Variants in MEAK7 observed in about 807,000 individuals in gnomAD.
The protein encoded by MEAK7 is MTOR-associated protein MEAK7.
A neutral mutation model predicts 40.5 loss-of-function variants in MEAK7; 68 were observed. The observed-to-expected ratio is 1.68, with a 90% CI of 1.38 to 2.06. The LOEUF (loss-of-function observed/expected upper bound fraction) is 2.06. Ranked by LOEUF, MEAK7 falls within the 30% of genes most tolerant of loss-of-function variation. The pLI is 0.00. For synonymous variants in MEAK7, 338 were observed against 231.9 expected (o/e 1.46, Z -4.16); for missense variants, 918 against 580.5 (o/e 1.58, Z -5.98).
At chr16:84,487,349 C>G (rs894007425) in intron 4 of MEAK7, 1 of 361,360 alleles carries the variant, frequency 2.8e-6, no homozygotes, top group South Asian at 3.9e-5. Context: ...TCTCTTTACT[C>G]TTTTAACATG....
chr16:84,491,451 A>G lies in MEAK7; in HGVS notation c.385-2029T>C, dbSNP rs941238729. The stretch of plus-strand genomic sequence containing the variant: ...CTACTTGGGATGCTGAGGCAGGAGA[A>G]TCGCTTGAGCCTGGGAGGCAGAGGT... On this transcript the variant is annotated intron_variant, in intron 3 of 7. Coordinates refer to ENST00000343629, the MANE Select transcript of MEAK7 (RefSeq NM_020947.4). Among the ~76,000 whole-genome samples the G allele has an allele frequency of 6.1e-4, 92 of 149,984 alleles. No individual in the cohort carries two copies. In the East Asian group the frequency reaches 7.9e-3, roughly 13 times the overall value.
chr16:84,491,536 C>T (rs1332829444), intron 3 of MEAK7, among the ~76,000 whole-genome samples: 2 of 15,608 alleles, frequency 1.3e-4, no homozygotes, highest in East Asian at 6.7e-3. Flanking sequence ...GAGACCCTGT[C>T]TTAAAAAAAA....
At chr16:84,488,154 G>A (rs1203331940) in intron 4 of MEAK7, 1 of 152,002 alleles carries the variant, frequency 6.6e-6, no homozygotes, top group Non-Finnish European at 1.5e-5. Context: ...TTAATCGTCT[G>A]AATTACCTTT....
intron 5 of MEAK7, among the ~76,000 whole-genome samples, chr16:84,483,877 AAGG>A (rs1309843731): frequency 6.6e-6 from 1 of 152,076 alleles, no homozygotes; most frequent in Non-Finnish European, 1.5e-5. Flanking sequence ...CGGGTGGAGG[AAGG>A]AGGATAGTTA....
rs966738221 is a variant in MEAK7, at chr16:84,478,580, C to G, written c.*1333G>C. 6.6e-6 allele frequency: 1 copy of G among 152,224 alleles called. No homozygotes were observed. 9.4% of individuals were successfully genotyped at this position (152,224 alleles called of 1,614,324 possible). On this transcript the variant is annotated 3_prime_UTR_variant, in exon 8 of 8. Transcript: ENST00000343629. Reference sequence around the variant, plus strand: ...ATATCTTAGAGACAAGCTCACAGCACCTTTAAGTGGGGAGATCTCATGGCC... The same window carrying G: ...ATATCTTAGAGACAAGCTCACAGCAGCTTTAAGTGGGGAGATCTCATGGCC...
intron 6 of MEAK7, 124 bp from the exon 7 acceptor site, chr16:84,480,832 T>A: frequency 9.5e-7 from 1 of 1,048,660 alleles, no homozygotes; most frequent in Non-Finnish European, 1.3e-6. Context: ...GAGTGGTGAA[T>A]GCCATCATCT....
chr16:84,500,456 T>A (rs1914404425), intron 1 of MEAK7, among the ~76,000 whole-genome samples: 1 of 152,186 alleles, frequency 6.6e-6, no homozygotes, highest in South Asian at 2.1e-4. Context: ...GAGTTATTTC[T>A]CCGCCTTTTA....
At chr16:84,490,416 C>T (rs1270203485) in intron 3 of MEAK7, among the ~76,000 whole-genome samples, 3 of 147,154 alleles carry the variant, frequency 2.0e-5, no homozygotes, top group South Asian at 4.3e-4. Context: ...CCCACACTCT[C>T]GCTGGGCGGC....
chr16:84,487,239 T>G, intron 4 of MEAK7, 180 bp from the exon 5 acceptor site: 1 of 533,800 alleles, frequency 1.9e-6, no homozygotes, highest in Non-Finnish European at 3.2e-6. Context: ...TTTCAAAGAT[T>G]TGGTATGAAA....
At chr16:84,489,569 C>T in intron 3 of MEAK7, 147 bp from the exon 4 acceptor site, 5 of 972,360 alleles carry the variant, frequency 5.1e-6, no homozygotes, top group South Asian at 3.7e-5. Flanking sequence ...TGTAGTTACT[C>T]GTTTTTCTAA....
At chr16:84,483,965 G>T (rs1741302858) in intron 5 of MEAK7, among the ~76,000 whole-genome samples, 1 of 152,320 alleles carries the variant, frequency 6.6e-6, no homozygotes, top group South Asian at 2.1e-4. Flanking sequence ...TGCTTCACTG[G>T]GTTTCAGCAG....
intron 3 of MEAK7, chr16:84,494,681 T>A (rs1241381649): frequency 2.7e-6 from 1 of 366,180 alleles, no homozygotes; most frequent in African/African-American, 2.2e-5. Context: ...CACTATTTTT[T>A]CTTCACGGGA....
rs35489449 is a variant in MEAK7, at chr16:84,490,654, A to ATGTGTGTGTGTGTGTGTGTGTGTG, written c.385-1256_385-1233dup. Among the ~76,000 whole-genome samples the ATGTGTGTGTGTGTGTGTGTGTGTG allele has an allele frequency of 2.0e-3, 278 of 137,604 alleles. 6 individuals are homozygous for ATGTGTGTGTGTGTGTGTGTGTGTG. The highest frequency in any genetic ancestry group is 7.5e-3 in the African/African-American group (270 of 36,122). The allele number at this position is 137,604 out of a possible 152,430, so 90.3% of individuals were successfully genotyped here. A position where few individuals can be genotyped will look rare whatever the true frequency, so the allele number is the denominator to read the frequency against. On this transcript the variant is annotated intron_variant, in intron 3 of 7. Transcript: ENST00000343629. ...TCAGCTTAATTAAAAGCTAATCAAG[A>ATGTGTGTGTGTGTGTGTGTGTGTG]TGTGTGTGTGTGTGTGTGTGTGTGT...
Position 84,476,528 on chromosome 16 carries a change from C to T in MEAK7, c.*3385G>A, listed in dbSNP as rs1272516742. 6.6e-6 allele frequency: 1 copy of T among 152,084 alleles called. No homozygotes were observed. Among genetic ancestry groups the T allele is most frequent in the African/African-American group, 2.4e-5 (1 of 41,374 alleles). 9.4% of individuals were successfully genotyped at this position (152,084 alleles called of 1,614,324 possible). ...CAATTCTAAGAGTTTATCCCACAGA[C>T]ACCATCACAGCAAGGCACACATAAA... On this transcript the variant is annotated 3_prime_UTR_variant, in exon 8 of 8. Transcript: ENST00000343629.
chr16:84,503,478 A>G (rs1024146588), intron 1 of MEAK7, among the ~76,000 whole-genome samples: 1 of 152,142 alleles, frequency 6.6e-6, no homozygotes, highest in East Asian at 1.9e-4. Flanking sequence ...GTTGAGCCCA[A>G]TCTCTCTCCT....
rs770073812 is a variant in MEAK7, at chr16:84,490,443, C to CT, written c.385-1022dup. Among the ~76,000 whole-genome samples the CT allele has an allele frequency of 1.3e-3, 121 of 93,824 alleles. 3 individuals carry two copies. The highest frequency in any genetic ancestry group is 2.5e-3 in the African/African-American group (47 of 18,654). 61.6% of individuals were successfully genotyped at this position (93,824 alleles called of 152,430 possible). ...CTGGGCGGCTAAGTTTCTGCCCCGCCTTTTTTTTTTTTTTTTTTTTTTTTT... is the reference window on the plus strand; with the variant it reads ...CTGGGCGGCTAAGTTTCTGCCCCGCCTTTTTTTTTTTTTTTTTTTTTTTTTT... On this transcript the variant is annotated intron_variant, in intron 3 of 7. Transcript: ENST00000343629.
rs13335306 is a variant in MEAK7 at position 84,501,966 on chromosome 16, G to A, written c.-26+2635C>T. ...TCGAGACTAGCTGGACCAACATGGA[G>A]AAACCCTGTCTCTACTAAAAATACA... On this transcript the variant is annotated intron_variant, in intron 1 of 7. Coordinates refer to ENST00000343629, the MANE Select transcript of MEAK7 (RefSeq NM_020947.4). 7.8e-3 allele frequency among the ~76,000 whole-genome samples: 1,191 copies of A among 152,276 alleles called. 7 individuals carry two copies. The highest frequency in any genetic ancestry group is 0.012 in the African/African-American group (484 of 41,548).
intron 6 of MEAK7, among the ~76,000 whole-genome samples, chr16:84,481,282 G>A (rs545305812): frequency 1.3e-5 from 2 of 152,346 alleles, no homozygotes; most frequent in East Asian, 1.9e-4. Context: ...TCACCCTGCA[G>A]AGAACCTCCT....
chr16:84,495,474 G>A (rs958776865), intron 3 of MEAK7: 3 of 580,040 alleles, frequency 5.2e-6, no homozygotes, highest in African/African-American at 3.8e-5. Flanking sequence ...TTTAAGTCCT[G>A]AAGCCCTCAA....
Sources: allele counts gnomAD v4.1 joint callset (sites outside exome capture counted in the v4.1 genomes callset), GRCh38; gene constraint gnomAD v4.1.1; transcripts MANE v1.5; gene names NCBI Gene and HGNC (gene_info 2026-07-23, HGNC 2026-07-21).